UBQLN4: variants seen among roughly 807,000 people sequenced by gnomAD.
UBQLN4 encodes the protein ubiquilin 4, also known as ubiquilin-4.
In UBQLN4, 11 loss-of-function variants were observed where a neutral mutation model predicts 60.4. The observed-to-expected ratio is 0.18, with a 90% CI of 0.11 to 0.30. The LOEUF (loss-of-function observed/expected upper bound fraction) is 0.30, where lower values mean the gene tolerates loss of function less well. UBQLN4 is among the 10% of genes least tolerant of loss of function. UBQLN4 has a pLI of 1.00. For synonymous variants in UBQLN4, 258 were observed against 313.1 expected (o/e 0.82, Z 1.86); for missense variants, 417 against 795.5 (o/e 0.52, Z 5.72).
downstream of UBQLN4, among the ~76,000 whole-genome samples, chr1:156,034,296 C>CTTT (rs59303673): frequency 0.026 from 3,204 of 123,302 alleles, 210 homozygotes; most frequent in African/African-American, 0.08. Flanking sequence ...TTTTGTTTTA[C>CTTT]TTTTTTTTTT....
chr1:156,031,392 G>A (rs767289750), downstream of UBQLN4, among the ~76,000 whole-genome samples: 2 of 152,120 alleles, frequency 1.3e-5, no homozygotes, highest in African/African-American at 4.8e-5. Flanking sequence ...GCACAGGCAG[G>A]TTGAATAACT....
chr1:156,041,030 C>A (rs532817883), intron 10 of UBQLN4, among the ~76,000 whole-genome samples: 92 of 152,130 alleles, frequency 6.0e-4, no homozygotes, highest in Non-Finnish European at 1.2e-3. Flanking sequence ...TCAAAAGGAT[C>A]CTTTGATATA....
intron 10 of UBQLN4, among the ~76,000 whole-genome samples, chr1:156,038,254 G>A (rs557192064): frequency 2.0e-5 from 3 of 152,244 alleles, no homozygotes; most frequent in African/African-American, 7.2e-5. Flanking sequence ...GCGCATGCCT[G>A]TAGTCCCAAC....
chr1:156,052,762 A>C (rs1468554587), intron 1 of UBQLN4, among the ~76,000 whole-genome samples: 1 of 152,258 alleles, frequency 6.6e-6, no homozygotes, highest in Admixed American at 6.5e-5. Context: ...AGCCGTTTTC[A>C]AATTCAGCTT....
Position 156,036,313 on chromosome 1 carries a change from C to A in UBQLN4, c.*665G>T. 1 of 985,664 alleles carries A rather than the reference C, an allele frequency of 1.0e-6. No individual in the cohort carries two copies. Among genetic ancestry groups the A allele is most frequent in the Non-Finnish European group, 1.2e-6 (1 of 830,018 alleles). The allele number at this position is 985,664 out of a possible 1,614,324, so 61.1% of individuals were successfully genotyped here. On this transcript the variant is annotated 3_prime_UTR_variant, in exon 11 of 11. Coordinates refer to ENST00000368309, the MANE Select transcript of UBQLN4 (RefSeq NM_020131.5). ...TTCCCTCCTCTTTCACACGAATTTC[C>A]TCTGGGCTGCTCCAGCGTTTGTTAA... is the stretch of plus-strand genomic sequence containing the variant.
chr1:156,038,671 A>G (rs2102739559), intron 10 of UBQLN4, among the ~76,000 whole-genome samples: 1 of 152,248 alleles, frequency 6.6e-6, no homozygotes, highest in African/African-American at 2.4e-5. Context: ...AAATAAAAAT[A>G]AAATAAAAAA....
chr1:156,040,694 C>T lies in UBQLN4; in HGVS notation c.1653+791G>A, dbSNP rs187423620. On this transcript the variant is annotated intron_variant, in intron 10 of 10. Transcript: ENST00000368309. ...GTCTCGATCTTCTGACCTCGTGATC[C>T]GCCCGCCTCAGCCTCCCAAAGTGCT... Among the ~76,000 whole-genome samples, 638 of 152,126 alleles carry T rather than the reference C, an allele frequency of 4.2e-3. 4 individuals are homozygous for T. Among genetic ancestry groups the T allele is most frequent in the African/African-American group, 0.015 (609 of 41,492 alleles).
At position 156,041,859 on chromosome 1, in the gene UBQLN4, C is replaced by T. The variant is rs1352228781; in HGVS notation, c.1466+13G>A. Reference sequence around the variant, plus strand: ...GCTAGAACCTTGCTGCCCTCCTGCCCCCCTACCCTCACCTGGGTACCAGCC... The same window carrying T: ...GCTAGAACCTTGCTGCCCTCCTGCCTCCCTACCCTCACCTGGGTACCAGCC... On this transcript the variant is annotated intron_variant, in intron 9 of 10. Transcript: ENST00000368309. 1 of 1,604,816 alleles carries T rather than the reference C, an allele frequency of 6.2e-7. No individual in the cohort carries two copies. The highest frequency in any genetic ancestry group is 1.3e-5 in the African/African-American group (1 of 74,450).
At position 156,048,742 on chromosome 1, in the gene UBQLN4, G is replaced by A. The variant is rs932048164; in HGVS notation, c.742-83C>T. The A allele has an allele frequency of 3.4e-6, 5 of 1,482,106 alleles. No individual in the cohort carries two copies. The Admixed American group carries it at 5.8e-5, about 17-fold the overall frequency. The allele number at this position is 1,482,106 out of a possible 1,614,324, so 91.8% of individuals were successfully genotyped here. On this transcript the variant is annotated intron_variant, in intron 4 of 10. Transcript: ENST00000368309. This position sits in a 1 kb window ranked among gnomAD's most constrained non-coding sequence, Gnocchi z 4.9. ...AAAGGGTGGGCCTTGAGGAAGGGGG[G>A]TCTGTATCAGGATCAGGACCAGGGC...
At chr1:156,039,452 G>A (rs1366325422) in intron 10 of UBQLN4, among the ~76,000 whole-genome samples, 11 of 151,070 alleles carry the variant, frequency 7.3e-5, no homozygotes, top group Non-Finnish European at 1.2e-4. Context: ...GTTTCTCCAC[G>A]TTGGTCAGGC....
chr1:156,036,276 C>T lies in UBQLN4; in HGVS notation c.*702G>A, dbSNP rs193286994. 9.1e-6 allele frequency: 9 copies of T among 985,646 alleles called. No homozygotes were observed. The highest frequency in any genetic ancestry group is 1.0e-3 in the Middle Eastern group (2 of 1,916). 61.1% of individuals were successfully genotyped at this position (985,646 alleles called of 1,614,324 possible). ...GGCTGTCTCCCCCATTCCCTTCCTC[C>T]GAATAATCTCATTCCCTCCTCTTTC... On this transcript the variant is annotated 3_prime_UTR_variant, in exon 11 of 11. Transcript: ENST00000368309.
Position 156,053,635 on chromosome 1 carries a change from T to C in UBQLN4, c.67A>G (p.Lys23Glu). 3 of 1,376,852 alleles carry C rather than the reference T, an allele frequency of 2.2e-6. No individual in the cohort carries two copies. The highest frequency in any genetic ancestry group is 2.0e-5 in the South Asian group (1 of 51,248). 85.3% of individuals were successfully genotyped at this position (1,376,852 alleles called of 1,614,324 possible). ...CGATCGCAGATCACAATTTCCTCCT[T>C]GTCCTTGGGGGTCTTGACGGTGACC... ...IRVTVKTPKD[K>E]EEIVICDRAS... The change falls in exon 1 of 11, where the codon AAG becomes GAG. Residue 23 changes from lysine (K) to glutamate (E), a missense_variant. By Grantham distance (56) the Lys-to-Glu change is moderately conservative. Transcript: ENST00000368309.
chr1:156,053,434 GC>G (rs1280195258), intron 1 of UBQLN4, among the ~76,000 whole-genome samples, 159 bp downstream of exon 1: 2 of 144,322 alleles, frequency 1.4e-5, no homozygotes, highest in African/African-American at 5.2e-5. Context: ...CTCGCAGGGC[GC>G]CCCCTACCCG....
At chr1:156,035,047 T>G (rs1044757661), downstream of UBQLN4, among the ~76,000 whole-genome samples, 2 of 150,968 alleles carry the variant, frequency 1.3e-5, no homozygotes, top group Non-Finnish European at 2.9e-5. Flanking sequence ...TTTTAAATTT[T>G]TCGTAGAGAC....
chr1:156,051,385 G>A (rs768944419), intron 2 of UBQLN4, 58 bp from the exon 3 acceptor site: 78 of 1,528,912 alleles, frequency 5.1e-5, no homozygotes, highest in East Asian at 7.3e-5. Context: ...GGAAGGTACC[G>A]TGACAATCTC....
chr1:156,037,349 A>C (rs919046930), intron 10 of UBQLN4, among the ~76,000 whole-genome samples: 2 of 152,134 alleles, frequency 1.3e-5, no homozygotes, highest in African/African-American at 4.8e-5. Context: ...TAATCCCAGC[A>C]CTTTAGGAGG....
intron 10 of UBQLN4, among the ~76,000 whole-genome samples, chr1:156,040,364 G>A (rs1390577688): frequency 6.8e-6 from 1 of 147,488 alleles, no homozygotes; most frequent in Non-Finnish European, 1.5e-5. Context: ...TGGGCAACAA[G>A]AGCAAAACTC....
chr1:156,037,642 T>C (rs1236754774), intron 10 of UBQLN4, among the ~76,000 whole-genome samples: 1 of 152,126 alleles, frequency 6.6e-6, no homozygotes, highest in African/African-American at 2.4e-5. Context: ...TGTAATAATA[T>C]GGCAGGCGGA....
At chr1:156,032,410 G>T (rs1168652908), downstream of UBQLN4, among the ~76,000 whole-genome samples, 1 of 151,366 alleles carries the variant, frequency 6.6e-6, no homozygotes, top group African/African-American at 2.4e-5. Context: ...ACTTGGGAGG[G>T]CGAGGCAGGA....
Sources: allele counts gnomAD v4.1 joint callset (sites outside exome capture counted in the v4.1 genomes callset), GRCh38; gene constraint gnomAD v4.1.1; non-coding constraint Gnocchi (gnomAD v3.1); transcripts MANE v1.5; gene names NCBI Gene and HGNC (gene_info 2026-07-23, HGNC 2026-07-21).